PHF2: variants seen among roughly 807,000 people sequenced by gnomAD.
PHF2 encodes lysine-specific demethylase PHF2.
PHF2 carries 27 observed loss-of-function variants against 120.5 expected under a neutral mutation model. That is an observed-to-expected ratio of 0.22 (90% CI 0.17 to 0.31). The LOEUF (loss-of-function observed/expected upper bound fraction) is 0.31, where lower values mean the gene tolerates loss of function less well. Among genes scored for constraint, PHF2 ranks in the 10% least tolerant of loss-of-function variants. The pLI is 1.00. For missense variants in PHF2, 1,024 were observed against 1,434.8 expected (o/e 0.71, Z 4.63); for synonymous variants, 568 against 592.5 (o/e 0.96, Z 0.60).
At chr9:93,603,199 A>G (rs1825477391) in intron 1 of PHF2, among the ~76,000 whole-genome samples, 1 of 152,106 alleles carries the variant, frequency 6.6e-6, no homozygotes. Context: ...GACAGGAGGA[A>G]CAAAGGCCAA....
intron 17 of PHF2, among the ~76,000 whole-genome samples, chr9:93,672,947 C>T (rs1167922619): frequency 7.4e-6 from 1 of 134,644 alleles, no homozygotes; most frequent in Non-Finnish European, 1.6e-5. Flanking sequence ...TGTAGATGCA[C>T]GTATGGGTAT....
At chr9:93,664,962 G>A (rs1194300665) in intron 14 of PHF2, among the ~76,000 whole-genome samples, 1 of 152,212 alleles carries the variant, frequency 6.6e-6, no homozygotes, top group African/African-American at 2.4e-5. Flanking sequence ...TTGGAGCTGT[G>A]TCTGTTTGAA....
intron 4 of PHF2, among the ~76,000 whole-genome samples, chr9:93,647,409 G>T (rs1459806171): frequency 6.6e-6 from 1 of 152,142 alleles, no homozygotes; most frequent in Non-Finnish European, 1.5e-5. Flanking sequence ...GGAGGAGATG[G>T]TTCGTCGTTT....
chr9:93,677,789 C>A lies in PHF2; in HGVS notation c.*113C>A. 1 of 727,974 alleles carries A rather than the reference C, an allele frequency of 1.4e-6. No homozygotes were observed. The highest frequency in any genetic ancestry group is 2.4e-6 in the Non-Finnish European group (1 of 423,854). 45.1% of individuals were successfully genotyped at this position (727,974 alleles called of 1,614,324 possible). ...CTCACCAGGGAGGGCCTTGCCTCTT[C>A]CCGGCTGCCATCTCCCCAACAAGCG... On this transcript the variant is annotated 3_prime_UTR_variant, in exon 22 of 22. Coordinates refer to ENST00000359246, the MANE Select transcript of PHF2 (RefSeq NM_005392.4). The surrounding 1 kb of genome is among the most constrained non-coding windows in gnomAD (Gnocchi z 4.4).
chr9:93,625,467 CCT>C (rs1825898464), intron 1 of PHF2, among the ~76,000 whole-genome samples: 4 of 135,176 alleles, frequency 3.0e-5, no homozygotes, highest in African/African-American at 8.6e-5. Flanking sequence ...TGTTTGAGTA[CCT>C]TTTTTTTTTT....
chr9:93,666,056 A>T lies in PHF2; in HGVS notation c.2183A>T (p.Tyr728Phe), dbSNP rs1210130916. The T allele has an allele frequency of 3.1e-6, 5 of 1,612,594 alleles. No individual in the cohort carries two copies. Among genetic ancestry groups the T allele is most frequent in the Non-Finnish European group, 4.2e-6 (5 of 1,179,268 alleles). ...VTKPKLDSAAYKSDDSSDEGS... is the reference protein window; with the variant it reads ...VTKPKLDSAAFKSDDSSDEGS... ...AAGCCAAAGCTGGACTCGGCAGCGTACAAGGTGAGCTGCCTTACAGGCCCC... is the reference window on the plus strand; with the variant it reads ...AAGCCAAAGCTGGACTCGGCAGCGTTCAAGGTGAGCTGCCTTACAGGCCCC... The change falls in exon 16 of 22, where the codon TAC becomes TTC. Residue 728 changes from tyrosine to phenylalanine, a missense_variant. Physicochemically the swap from Tyr to Phe is conservative, Grantham distance 22. Coordinates refer to ENST00000359246, the MANE Select transcript of PHF2 (RefSeq NM_005392.4).
intron 1 of PHF2, among the ~76,000 whole-genome samples, chr9:93,606,366 C>T (rs545854086): frequency 9.2e-5 from 14 of 152,326 alleles, no homozygotes; most frequent in African/African-American, 3.4e-4. Flanking sequence ...TGTTGCTCTA[C>T]ATCCTTGTCA....
At chr9:93,596,550 C>T (rs1203499719) in intron 1 of PHF2, among the ~76,000 whole-genome samples, 1 of 151,666 alleles carries the variant, frequency 6.6e-6, no homozygotes, top group Non-Finnish European at 1.5e-5. Context: ...GACTGGGAGT[C>T]GGGAGGGGCA....
chr9:93,676,657 C>CCTTCCA lies in PHF2; in HGVS notation c.2898_2903dup (p.Thr970_Ser971dup). ...GAAGCTGACTCCTAACACCACCTCC[C>CCTTCCA]CTTCCACCTCCACCTCCATCTCTGC... is the stretch of plus-strand genomic sequence containing the variant. On this transcript the variant is annotated inframe_insertion, in exon 21 of 22. Transcript: ENST00000359246. The CCTTCCA allele has an allele frequency of 6.2e-7, 1 of 1,601,168 alleles. No homozygotes were observed. The highest frequency in any genetic ancestry group is 8.5e-7 in the Non-Finnish European group (1 of 1,173,562).
intron 6 of PHF2, 126 bp downstream of exon 6, chr9:93,653,491 A>G: frequency 2.1e-6 from 2 of 959,184 alleles, no homozygotes; most frequent in Non-Finnish European, 1.5e-6. Context: ...TGGACTGTCC[A>G]TCCCTGGGAC....
intron 1 of PHF2, among the ~76,000 whole-genome samples, chr9:93,603,657 C>T (rs1182629413): frequency 6.6e-6 from 1 of 152,182 alleles, no homozygotes; most frequent in Non-Finnish European, 1.5e-5. Context: ...CCTCAATCTG[C>T]TGTCAGGACA....
At chr9:93,675,043 G>A in intron 19 of PHF2, 21 bp downstream of exon 19, 2 of 1,591,548 alleles carry the variant, frequency 1.3e-6, no homozygotes, top group Non-Finnish European at 8.6e-7. Context: ...GACAGGGGTA[G>A]GGGGTCCACC....
At chr9:93,655,368 T>C (rs921951256) in intron 7 of PHF2, among the ~76,000 whole-genome samples, 1 of 151,524 alleles carries the variant, frequency 6.6e-6, no homozygotes, top group Non-Finnish European at 1.5e-5. Context: ...AATCTCTGGG[T>C]CCCTCCTCCC....
chr9:93,651,777 GCTTGCACCTAA>G (rs1487096917), intron 5 of PHF2, among the ~76,000 whole-genome samples: 1 of 152,234 alleles, frequency 6.6e-6, no homozygotes, highest in East Asian at 1.9e-4. Context: ...GAAAGGTGTG[GCTTGCACCTAA>G]ACAGGCCAAG....
In PHF2 at chr9:93,607,995, G is replaced by GAA. The variant is rs199915335; in HGVS notation, c.99-21974_99-21973insAA. ...AGATGAGAGAGAGACGGAGGGAGAT[G>GAA]AGAGAGAGAGAGAGAAGGAAAGGAG... On this transcript the variant is annotated intron_variant, in intron 1 of 21. Transcript: ENST00000359246. Among the ~76,000 whole-genome samples, 373 of 105,582 alleles carry GAA rather than the reference G, an allele frequency of 3.5e-3. 16 individuals carry two copies. The East Asian group carries it at 0.074, about 21-fold the overall frequency. The allele number at this position is 105,582 out of a possible 152,430, so 69.3% of individuals were successfully genotyped here. A position where few individuals can be genotyped will look rare whatever the true frequency, so the allele number is the denominator to read the frequency against.
At chr9:93,612,271 A>T (rs1249734591) in intron 1 of PHF2, among the ~76,000 whole-genome samples, 1 of 152,246 alleles carries the variant, frequency 6.6e-6, no homozygotes, top group Non-Finnish European at 1.5e-5. Context: ...GACATGTAAC[A>T]GGTGTCTGTG....
intron 11 of PHF2, 151 bp downstream of exon 11, chr9:93,659,751 A>C: frequency 1.4e-6 from 1 of 708,518 alleles, no homozygotes; most frequent in Non-Finnish European, 2.4e-6. Context: ...TTCCTGGGCA[A>C]GCTTGCCTTT....
intron 13 of PHF2, 93 bp downstream of exon 13, chr9:93,663,119 A>G: frequency 1.3e-6 from 2 of 1,512,592 alleles, no homozygotes; most frequent in Non-Finnish European, 1.8e-6. Flanking sequence ...GTGTGAAGGA[A>G]TGTGCAGACA....
At chr9:93,595,603 C>T (rs977771432) in intron 1 of PHF2, among the ~76,000 whole-genome samples, 2 of 152,256 alleles carry the variant, frequency 1.3e-5, no homozygotes, top group African/African-American at 4.8e-5. Context: ...CATGGCTCCT[C>T]TCTGCATGTG....
Sources: gnomAD v4.1 joint callset for allele counts (sites outside exome capture counted in the v4.1 genomes callset) on GRCh38, gnomAD v4.1.1 for gene constraint, Gnocchi (gnomAD v3.1) non-coding constraint, MANE v1.5 for transcripts, NCBI Gene and HGNC (gene_info 2026-07-23, HGNC 2026-07-21) for gene names.